The following PAK1 variants were observed in gnomAD, a reference collection of about 807,000 sequenced individuals.
The protein encoded by PAK1 is serine/threonine-protein kinase PAK 1.
In PAK1, 29 loss-of-function variants were observed where a neutral mutation model predicts 67.4. The observed-to-expected ratio is 0.43, with a 90% CI of 0.32 to 0.59. The LOEUF is 0.59. Ranked by LOEUF, PAK1 falls within the 20% of genes least tolerant of loss-of-function variation. The pLI, the probability that PAK1 is intolerant of heterozygous loss-of-function variation, is 0.07. For synonymous variants in PAK1, 223 were observed against 237.4 expected (o/e 0.94, Z 0.56); for missense variants, 337 against 670.7 (o/e 0.50, Z 5.50).
upstream of PAK1, among the ~76,000 whole-genome samples, chr11:77,478,618 C>CA (rs56856301): frequency 0.11 from 15,308 of 143,280 alleles, 1,496 homozygotes; most frequent in East Asian, 0.25. Flanking sequence ...TACTAAAATA[C>CA]AAAAAAAAAA....
chr11:77,524,718 T>A, the PAK1 span, among the ~76,000 whole-genome samples: 7 of 152,028 alleles, frequency 4.6e-5, no homozygotes, highest in East Asian at 1.9e-4. Flanking sequence ...GTTGAAAGAA[T>A]GAATGAATGA....
chr11:77,388,445 C>G (rs1444162014), intron 2 of PAK1, among the ~76,000 whole-genome samples: 1 of 152,238 alleles, frequency 6.6e-6, no homozygotes, highest in African/African-American at 2.4e-5. Flanking sequence ...GCTCCGCCTC[C>G]TGGGTTCACG....
At chr11:77,485,405 C>T in the PAK1 span, among the ~76,000 whole-genome samples, 2 of 152,104 alleles carry the variant, frequency 1.3e-5, no homozygotes, top group Non-Finnish European at 2.9e-5. Flanking sequence ...CATGGTTTGT[C>T]TGTATCAAAA....
At chr11:77,490,069 G>C in the PAK1 span, among the ~76,000 whole-genome samples, 4 of 143,310 alleles carry the variant, frequency 2.8e-5, no homozygotes, top group African/African-American at 1.1e-4. Flanking sequence ...GCCGCCCATC[G>C]TCTGAGATGT....
At chr11:77,327,427 G>A (rs1247560596) in intron 14 of PAK1, among the ~76,000 whole-genome samples, 2 of 152,178 alleles carry the variant, frequency 1.3e-5, no homozygotes, top group African/African-American at 4.8e-5. Context: ...CAGACTAAAA[G>A]CTGATCTCTC....
rs556899715 is a variant in PAK1 at position 77,456,762 on chromosome 11, G to A, written c.-22+16790C>T. On this transcript the variant is annotated intron_variant, in intron 1 of 14. Coordinates refer to ENST00000356341, the MANE Select transcript of PAK1 (RefSeq NM_002576.5). ...TTTGGTTTTTTGTTTTTTTTTTTCA[G>A]ACGGAGTCTCGCACTGCCACCCAGA... Among the ~76,000 whole-genome samples, 471 of 149,954 alleles carry A rather than the reference G, an allele frequency of 3.1e-3. 2 individuals carry two copies. The highest frequency in any genetic ancestry group is 0.011 in the African/African-American group (451 of 40,746).
chr11:77,502,449 T>C, the PAK1 span, among the ~76,000 whole-genome samples: 2 of 152,258 alleles, frequency 1.3e-5, no homozygotes, highest in African/African-American at 4.8e-5. Context: ...AGACACATAA[T>C]GTGTCTAAAT....
At chr11:77,371,423 C>G (rs1948411873) in intron 5 of PAK1, among the ~76,000 whole-genome samples, 1 of 152,118 alleles carries the variant, frequency 6.6e-6, no homozygotes, top group Admixed American at 6.5e-5. Context: ...TAAGACAGTG[C>G]ACGTTCATTT....
At chr11:77,435,541 T>G (rs1451297381) in intron 1 of PAK1, among the ~76,000 whole-genome samples, 1 of 150,440 alleles carries the variant, frequency 6.6e-6, no homozygotes, top group Non-Finnish European at 1.5e-5. Context: ...TCCCCCAGGC[T>G]GGAGTGCAGT....
intron 8 of PAK1, chr11:77,353,310 T>C (rs1945537603): frequency 4.3e-6 from 2 of 468,400 alleles, no homozygotes; most frequent in Admixed American, 7.6e-5. Context: ...TCACTGTCAC[T>C]GCAGGGGTAT....
chr11:77,486,129 T>C, the PAK1 span, among the ~76,000 whole-genome samples: 4 of 152,222 alleles, frequency 2.6e-5, no homozygotes, highest in Non-Finnish European at 4.4e-5. Context: ...CACCCCTTTT[T>C]CTTGAGCTGG....
chr11:77,475,683 T>C (rs994449540), upstream of PAK1: 1 of 152,242 alleles, frequency 6.6e-6, no homozygotes, highest in Non-Finnish European at 1.5e-5. Context: ...TTCATATTCA[T>C]ATTCATTTGA....
chr11:77,331,528 T>C (rs1385645998), intron 14 of PAK1, among the ~76,000 whole-genome samples: 2 of 152,026 alleles, frequency 1.3e-5, no homozygotes, highest in African/African-American at 4.8e-5. Context: ...AGCAAACTAT[T>C]GCAAGGACAA....
At chr11:77,436,892 CAAAT>C (rs2138391930) in intron 1 of PAK1, among the ~76,000 whole-genome samples, 1 of 152,282 alleles carries the variant, frequency 6.6e-6, no homozygotes, top group South Asian at 2.1e-4. Flanking sequence ...TGGTCAATCA[CAAAT>C]AAACTAAAAT....
the PAK1 span, among the ~76,000 whole-genome samples, chr11:77,487,626 C>T: frequency 4.6e-5 from 7 of 151,892 alleles, no homozygotes; most frequent in African/African-American, 1.7e-4. Context: ...AGCCTTGGGT[C>T]TTGAGTGAAC....
chr11:77,476,202 GTTCT>G (rs920082604), upstream of PAK1: 10 of 152,410 alleles, frequency 6.6e-5, no homozygotes, highest in African/African-American at 2.2e-4. Flanking sequence ...TGTTCCTATT[GTTCT>G]TTCTATGTGC....
intron 1 of PAK1, among the ~76,000 whole-genome samples, chr11:77,438,539 T>C (rs554946578): frequency 2.0e-5 from 3 of 152,338 alleles, no homozygotes; most frequent in Non-Finnish European, 2.9e-5. Context: ...GAAGAACAAC[T>C]TGATATTTTT....
chr11:77,329,656 G>A (rs373900103), intron 14 of PAK1, among the ~76,000 whole-genome samples: 3 of 151,788 alleles, frequency 2.0e-5, no homozygotes, highest in Non-Finnish European at 4.4e-5. Flanking sequence ...AGCTATCTAT[G>A]ACAAACCCAC....
intron 1 of PAK1, among the ~76,000 whole-genome samples, chr11:77,423,304 G>A (rs1268192800): frequency 6.9e-6 from 1 of 145,650 alleles, no homozygotes; most frequent in Admixed American, 7.0e-5. Context: ...TTCCCAATAA[G>A]GCAGGCAATC....
Sources: gnomAD v4.1 joint callset for allele counts (sites outside exome capture counted in the v4.1 genomes callset) on GRCh38, gnomAD v4.1.1 for gene constraint, MANE v1.5 for transcripts, NCBI Gene and HGNC (gene_info 2026-07-23, HGNC 2026-07-21) for gene names.